MBD5: variants seen among roughly 807,000 people sequenced by gnomAD.
MBD5 encodes the protein methyl-CpG binding domain protein 5, also known as methyl-CpG-binding domain protein 5.
In MBD5, 13 loss-of-function variants were observed where a neutral mutation model predicts 117.3. That is an observed-to-expected ratio of 0.11 (90% confidence interval 0.07 to 0.18). The LOEUF (loss-of-function observed/expected upper bound fraction) is 0.18. Among genes scored for constraint, MBD5 ranks in the 10% least tolerant of loss-of-function variants. MBD5 has a pLI of 1.00. For synonymous variants in MBD5, 727 were observed against 766.4 expected (o/e 0.95, Z 0.85); for missense variants, 1,879 against 2,093.8 (o/e 0.90, Z 2.00).
At chr2:148,072,063 T>C (rs905436600) in intron 1 of MBD5, 1 of 152,214 alleles carries the variant, frequency 6.6e-6, no homozygotes, top group African/African-American at 2.4e-5. Context: ...TCTGTACTTC[T>C]TGTTTTAGCC....
chr2:148,058,411 G>T (rs16828185), intron 1 of MBD5, among the ~76,000 whole-genome samples: 5 of 151,684 alleles, frequency 3.3e-5, no homozygotes, highest in African/African-American at 1.2e-4. Flanking sequence ...TTTTTCTATC[G>T]GTCTTTTTTC....
intron 3 of MBD5, among the ~76,000 whole-genome samples, chr2:148,270,978 G>T (rs1250271362): frequency 1.3e-5 from 2 of 151,878 alleles, no homozygotes; most frequent in African/African-American, 4.8e-5. Context: ...TTATTTACCA[G>T]TATTTTAAGG....
At chr2:148,475,540 GAT>G (rs1680936892) in intron 8 of MBD5, among the ~76,000 whole-genome samples, 1 of 152,088 alleles carries the variant, frequency 6.6e-6, no homozygotes, top group Non-Finnish European at 1.5e-5. Flanking sequence ...TCAGAGTGGT[GAT>G]ATGTTTGCTG....
intron 3 of MBD5, among the ~76,000 whole-genome samples, chr2:148,281,398 A>G (rs1341491061): frequency 6.6e-6 from 1 of 152,000 alleles, no homozygotes; most frequent in Non-Finnish European, 1.5e-5. Context: ...ATAAATTTCA[A>G]TTTCCAAGAA....
chr2:148,270,972 T>A (rs752960250), intron 3 of MBD5, among the ~76,000 whole-genome samples: 7 of 152,158 alleles, frequency 4.6e-5, no homozygotes, highest in Non-Finnish European at 7.4e-5. Flanking sequence ...ATGTATTTAT[T>A]TACCAGTATT....
intron 4 of MBD5, among the ~76,000 whole-genome samples, chr2:148,435,141 G>C (rs1354071116): frequency 6.6e-6 from 1 of 151,920 alleles, no homozygotes; most frequent in East Asian, 1.9e-4. Flanking sequence ...CCTTTACTTT[G>C]AGCCCATGGG....
intron 3 of MBD5, among the ~76,000 whole-genome samples, chr2:148,259,091 G>A (rs568886920): frequency 3.9e-5 from 6 of 152,206 alleles, no homozygotes; most frequent in South Asian, 2.1e-4. Context: ...CCCATCTCCC[G>A]GATGACTTGC....
At chr2:148,071,274 ATATGTGTGTG>A (rs1314837970) in intron 1 of MBD5, 6,241 of 134,978 alleles carry the variant, frequency 0.046, 232 homozygotes, top group Admixed American at 0.13. Context: ...ATATATCTGT[ATATGTGTGTG>A]TGTGTGTGTG....
At chr2:148,142,263 C>G (rs1558943168) in intron 1 of MBD5, among the ~76,000 whole-genome samples, 2 of 152,012 alleles carry the variant, frequency 1.3e-5, no homozygotes, top group Non-Finnish European at 2.9e-5. Flanking sequence ...AAATATCCAG[C>G]ACGATAAATA....
At chr2:148,178,199 C>T (rs549662302) in intron 1 of MBD5, among the ~76,000 whole-genome samples, 1 of 151,910 alleles carries the variant, frequency 6.6e-6, no homozygotes, top group Non-Finnish European at 1.5e-5. Flanking sequence ...AAAGTACTGA[C>T]TGGGGAGATT....
In MBD5 at chr2:148,374,645, C is replaced by T. The variant is rs72859332; in HGVS notation, c.-557+32309C>T. Among the ~76,000 whole-genome samples the T allele has an allele frequency of 6.7e-3, 1,015 of 152,256 alleles. 7 individuals are homozygous for T. The highest frequency in any genetic ancestry group is 0.011 in the Non-Finnish European group (740 of 68,006). ...TGGGCCTGAAGGTGACCCATATGCTCCTTCACCCTGAGGTTAAGGTGCAAA... is the reference window on the plus strand; with the variant it reads ...TGGGCCTGAAGGTGACCCATATGCTTCTTCACCCTGAGGTTAAGGTGCAAA... On this transcript the variant is annotated intron_variant, in intron 4 of 13. Transcript: ENST00000642680.
intron 1 of MBD5, among the ~76,000 whole-genome samples, chr2:148,123,813 G>T (rs1696824692): frequency 6.6e-6 from 1 of 152,160 alleles, no homozygotes; most frequent in African/African-American, 2.4e-5. Context: ...TTGAGCAGAA[G>T]AGTATCCAGT....
At position 148,516,495 on chromosome 2, in the gene MBD5, C is replaced by A. The variant is rs1682346370; in HGVS notation, c.*3554C>A. On this transcript the variant is annotated 3_prime_UTR_variant, in exon 14 of 14. Transcript: ENST00000642680. ...GGGGGACATGAACAAAAATTATCAA[C>A]CAGCCAGAACTGTAATATTTAATTA... 6.6e-6 allele frequency: 1 copy of A among 152,144 alleles called. No individual in the cohort carries two copies. The highest frequency in any genetic ancestry group is 2.4e-5 in the African/African-American group (1 of 41,422). 9.4% of individuals were successfully genotyped at this position (152,144 alleles called of 1,614,324 possible).
intron 1 of MBD5, among the ~76,000 whole-genome samples, chr2:148,051,422 C>G (rs200385193): frequency 7.2e-6 from 1 of 138,480 alleles, no homozygotes; most frequent in Admixed American, 7.3e-5. Flanking sequence ...TTTTTTTTTT[C>G]GCCCAGTTTC....
intron 8 of MBD5, among the ~76,000 whole-genome samples, chr2:148,481,516 TA>T (rs539070511): frequency 3.3e-5 from 5 of 152,222 alleles, no homozygotes; most frequent in Non-Finnish European, 5.9e-5. Context: ...CATTATGCCA[TA>T]TATGTGTTTA....
intron 3 of MBD5, among the ~76,000 whole-genome samples, chr2:148,273,234 A>T (rs962710759): frequency 1.3e-5 from 2 of 152,110 alleles, no homozygotes. Flanking sequence ...TAACTATGGG[A>T]GGAATTTAGT....
rs1187894807 is a variant in MBD5, at chr2:148,446,047, A to C, written c.-556-12156A>C. ...CTGGATATTAGCCCTTTGTCAGATG[A>C]GTAGGTTGCAAAAATTTTCTCCCAT... On this transcript the variant is annotated intron_variant, in intron 4 of 13. Coordinates refer to ENST00000642680, the MANE Select transcript of MBD5 (RefSeq NM_001378120.1). Among the ~76,000 whole-genome samples the C allele has an allele frequency of 2.7e-5, 4 of 150,354 alleles. No homozygotes were observed. The East Asian group carries it at 7.8e-4, about 29-fold the overall frequency.
At chr2:148,433,005 A>T (rs919712509) in intron 4 of MBD5, among the ~76,000 whole-genome samples, 1 of 152,060 alleles carries the variant, frequency 6.6e-6, no homozygotes, top group African/African-American at 2.4e-5. Context: ...TGAATATGGA[A>T]TTTTTTAAAT....
At chr2:148,096,517 A>G (rs1299474226) in intron 1 of MBD5, among the ~76,000 whole-genome samples, 1 of 152,202 alleles carries the variant, frequency 6.6e-6, no homozygotes, top group African/African-American at 2.4e-5. Flanking sequence ...TTGAGGCCAT[A>G]CAACTACTGA....
Sources: allele counts gnomAD v4.1 joint callset (sites outside exome capture counted in the v4.1 genomes callset), GRCh38; gene constraint gnomAD v4.1.1; transcripts MANE v1.5; gene names NCBI Gene and HGNC (gene_info 2026-07-23, HGNC 2026-07-21).